Variants in ATP8A1 observed in about 807,000 individuals in gnomAD.
The protein encoded by ATP8A1 is ATPase phospholipid transporting 8A1, also known as phospholipid-transporting ATPase IA.
A neutral mutation model predicts 177.7 loss-of-function variants in ATP8A1; 90 were observed. The ratio of observed to expected loss-of-function variants is 0.51; its 90% CI spans 0.43 to 0.60. The LOEUF (loss-of-function observed/expected upper bound fraction) is 0.60, where lower values mean the gene tolerates loss of function less well. Among genes scored for constraint, ATP8A1 ranks in the 20% least tolerant of loss-of-function variants. The pLI is 0.00. For missense variants in ATP8A1, 1,072 were observed against 1,392.8 expected (o/e 0.77, Z 3.67); for synonymous variants, 493 against 485.9 (o/e 1.01, Z -0.19).
At chr4:42,463,679 G>T (rs1238110108) in intron 27 of ATP8A1, among the ~76,000 whole-genome samples, 1 of 152,126 alleles carries the variant, frequency 6.6e-6, no homozygotes, top group Non-Finnish European at 1.5e-5. Context: ...TTTAAAAGTG[G>T]TATTCCTGAC....
rs772044738 is a variant in ATP8A1 at position 42,625,698 on chromosome 4, G to A, written c.180C>T (p.Asn60=). The part of the protein sequence containing the change: ...CNNHVSTAKY[N]IITFLPRFLY... Reference sequence around the variant, plus strand: ...GAAATCTTGGAAGGAATGTGATTATGTTGTATTTTGCAGTGCTAGAAAACA... The same window carrying A: ...GAAATCTTGGAAGGAATGTGATTATATTGTATTTTGCAGTGCTAGAAAACA... The change falls in exon 3 of 37, where the codon AAC becomes AAT. Residue 60 remains asparagine (N), a synonymous_variant. Coordinates refer to ENST00000381668, the MANE Select transcript of ATP8A1 (RefSeq NM_006095.2). The A allele has an allele frequency of 1.9e-6, 3 of 1,600,784 alleles. No homozygotes were observed. The highest frequency in any genetic ancestry group is 1.7e-5 in the Admixed American group (1 of 58,090).
At chr4:42,479,731 GTA>G (rs1199634127) in intron 25 of ATP8A1, among the ~76,000 whole-genome samples, 1 of 152,174 alleles carries the variant, frequency 6.6e-6, no homozygotes, top group Non-Finnish European at 1.5e-5. Context: ...GTTGTGGAAG[GTA>G]TATATGTTTA....
intron 6 of ATP8A1, among the ~76,000 whole-genome samples, chr4:42,595,014 T>C (rs1734588190): frequency 6.6e-6 from 1 of 152,166 alleles, no homozygotes; most frequent in Non-Finnish European, 1.5e-5. Context: ...CAAAAACTGA[T>C]AGCAGTCATT....
chr4:42,420,253 C>T (rs972195568), intron 35 of ATP8A1, among the ~76,000 whole-genome samples: 1 of 152,216 alleles, frequency 6.6e-6, no homozygotes, highest in East Asian at 1.9e-4. Context: ...TATGGTTACA[C>T]TGATCATTAA....
chr4:42,637,362 A>C (rs778624881), intron 1 of ATP8A1, among the ~76,000 whole-genome samples: 4 of 152,210 alleles, frequency 2.6e-5, no homozygotes, highest in Non-Finnish European at 5.9e-5. Context: ...CTTGCACAAT[A>C]GCCAAACGGT....
chr4:42,471,403 TA>T (rs936359170), intron 25 of ATP8A1, among the ~76,000 whole-genome samples: 4 of 152,210 alleles, frequency 2.6e-5, no homozygotes, highest in Non-Finnish European at 5.9e-5. Context: ...AAAGCAAATT[TA>T]AAAAAGATTT....
At chr4:42,606,881 C>G (rs905930398) in intron 5 of ATP8A1, among the ~76,000 whole-genome samples, 2 of 152,200 alleles carry the variant, frequency 1.3e-5, no homozygotes, top group African/African-American at 2.4e-5. Context: ...GAATCTACAG[C>G]ACTCCATACT....
At chr4:42,582,468 AAC>A (rs1259934072) in intron 9 of ATP8A1, among the ~76,000 whole-genome samples, 1 of 151,234 alleles carries the variant, frequency 6.6e-6, no homozygotes, top group Non-Finnish European at 1.5e-5. Flanking sequence ...CCTCAGCCTC[AAC>A]ACACACACAC....
At chr4:42,614,074 T>C (rs533999201) in intron 5 of ATP8A1, among the ~76,000 whole-genome samples, 4 of 147,658 alleles carry the variant, frequency 2.7e-5, no homozygotes, top group Non-Finnish European at 6.1e-5. Context: ...ATTCTCATAT[T>C]TAGCCATAGG....
At chr4:42,450,578 T>C (rs956199911) in intron 30 of ATP8A1, among the ~76,000 whole-genome samples, 2 of 152,242 alleles carry the variant, frequency 1.3e-5, no homozygotes, top group African/African-American at 4.8e-5. Context: ...TAAATATTCT[T>C]ACCATGCTCA....
chr4:42,448,396 C>CTTTACTTTTTTTTTTTTTTTTT lies in ATP8A1; in HGVS notation c.2897-1753_2897-1752insAAAAAAAAAAAAAAAAAGTAAA, dbSNP rs778022629. On this transcript the variant is annotated intron_variant, in intron 30 of 36. Transcript: ENST00000381668. ...GTAGCCTCCCTCCCTCCTTCTCTTTCTTTTCTTTTTTTTTTTTTTGAGATG... is the reference window on the plus strand; with the variant it reads ...GTAGCCTCCCTCCCTCCTTCTCTTTCTTTACTTTTTTTTTTTTTTTTTTTTTCTTTTTTTTTTTTTTGAGATG... Among the ~76,000 whole-genome samples the CTTTACTTTTTTTTTTTTTTTTT allele has an allele frequency of 5.6e-3, 471 of 83,930 alleles. 80 individuals are homozygous for CTTTACTTTTTTTTTTTTTTTTT. The highest frequency in any genetic ancestry group is 0.013 in the Middle Eastern group (1 of 80). The allele number at this position is 83,930 out of a possible 152,430, so 55.1% of individuals were successfully genotyped here. A position where few individuals can be genotyped will look rare whatever the true frequency, so the allele number is the denominator to read the frequency against.
chr4:42,493,316 A>G (rs901482218), intron 24 of ATP8A1, among the ~76,000 whole-genome samples: 1 of 152,196 alleles, frequency 6.6e-6, no homozygotes, highest in Admixed American at 6.5e-5. Flanking sequence ...AACTAATCAA[A>G]CATTATTCAC....
At chr4:42,638,110 T>C (rs1739574921) in intron 1 of ATP8A1, among the ~76,000 whole-genome samples, 1 of 152,240 alleles carries the variant, frequency 6.6e-6, no homozygotes, top group Non-Finnish European at 1.5e-5. Flanking sequence ...AAATGTTTGC[T>C]AAATTTTCTA....
chr4:42,512,038 T>C (rs545760242), intron 22 of ATP8A1, among the ~76,000 whole-genome samples: 92 of 152,320 alleles, frequency 6.0e-4, no homozygotes, highest in African/African-American at 2.2e-3. Context: ...TAGGAAGATG[T>C]TGAAGAGGAA....
At chr4:42,438,051 GC>G (rs35247182) in intron 33 of ATP8A1, among the ~76,000 whole-genome samples, 36,205 of 152,014 alleles carry the variant, frequency 0.24, 4,340 homozygotes, top group African/African-American at 0.28. Context: ...TGGCACTGAT[GC>G]TAGAAGGGCA....
chr4:42,656,896 T>G lies in ATP8A1; in HGVS notation c.-23A>C, dbSNP rs1195742465. ...CATCGCGGCGGCGGCTGCAGGTGGG[T>G]CCTCAGCCCGGACTCTGCACCTGTC... is the stretch of plus-strand genomic sequence containing the variant. On this transcript the variant is annotated 5_prime_UTR_variant, in exon 1 of 37. Transcript: ENST00000381668. 6.4e-7 allele frequency: 1 copy of G among 1,569,520 alleles called. No individual in the cohort carries two copies. The highest frequency in any genetic ancestry group is 1.2e-5 in the South Asian group (1 of 85,306).
chr4:42,606,139 C>A (rs1332027109), intron 5 of ATP8A1, among the ~76,000 whole-genome samples: 1 of 152,196 alleles, frequency 6.6e-6, no homozygotes, highest in East Asian at 1.9e-4. Flanking sequence ...TTGGAAAATA[C>A]TCCATGGCAC....
intron 6 of ATP8A1, among the ~76,000 whole-genome samples, chr4:42,592,290 CAGTA>C (rs1734260727): frequency 6.6e-6 from 1 of 152,078 alleles, no homozygotes; most frequent in Non-Finnish European, 1.5e-5. Context: ...TCATAGCCAC[CAGTA>C]AGTGTTTTTA....
chr4:42,471,264 C>G (rs1218572944), intron 25 of ATP8A1, among the ~76,000 whole-genome samples: 4 of 152,168 alleles, frequency 2.6e-5, no homozygotes, highest in African/African-American at 9.7e-5. Flanking sequence ...TGAGTGAGAG[C>G]TCTCCTAGCC....
Sources: allele counts gnomAD v4.1 joint callset (sites outside exome capture counted in the v4.1 genomes callset), GRCh38; gene constraint gnomAD v4.1.1; transcripts MANE v1.5; gene names NCBI Gene and HGNC (gene_info 2026-07-23, HGNC 2026-07-21).